The following SBF2 variants were observed in gnomAD, a reference collection of about 807,000 sequenced individuals.
SBF2 encodes the protein SET binding factor 2, also known as myotubularin-related protein 13.
Under a neutral mutation model 225.2 loss-of-function variants are expected in SBF2, and 112 were observed. The observed-to-expected ratio is 0.50, with a 90% CI of 0.43 to 0.58. The LOEUF is 0.58. Ranked by LOEUF, SBF2 falls within the 20% of genes least tolerant of loss-of-function variation. SBF2 has a pLI of 0.00. For synonymous variants in SBF2, 763 were observed against 773.3 expected (o/e 0.99, Z 0.22); for missense variants, 1,996 against 2,206.2 (o/e 0.90, Z 1.91).
intron 2 of SBF2, among the ~76,000 whole-genome samples, chr11:10,164,667 T>C (rs1352001029): frequency 6.6e-6 from 1 of 151,552 alleles, no homozygotes; most frequent in Non-Finnish European, 1.5e-5. Flanking sequence ...TGAGACAGTT[T>C]GAAGACTAAA....
chr11:10,119,743 T>TA (rs970879565), intron 2 of SBF2, among the ~76,000 whole-genome samples: 2 of 152,114 alleles, frequency 1.3e-5, no homozygotes, highest in Non-Finnish European at 2.9e-5. Context: ...TATAGGGTCA[T>TA]AAAAAAACCA....
intron 21 of SBF2, among the ~76,000 whole-genome samples, chr11:9,851,016 A>C (rs1416899865): frequency 6.6e-6 from 1 of 151,934 alleles, no homozygotes; most frequent in Non-Finnish European, 1.5e-5. Flanking sequence ...GGCGCCTGTA[A>C]TCTCAGCTAC....
At chr11:10,142,148 A>C (rs1447171163) in intron 2 of SBF2, among the ~76,000 whole-genome samples, 1 of 152,202 alleles carries the variant, frequency 6.6e-6, no homozygotes, top group Non-Finnish European at 1.5e-5. Flanking sequence ...AATGCTTTAG[A>C]CATTTTTCTT....
At chr11:10,017,093 C>G (rs1002685901) in intron 6 of SBF2, 1 of 152,166 alleles carries the variant, frequency 6.6e-6, no homozygotes, top group Non-Finnish European at 1.5e-5. Context: ...AAGAGTAAAA[C>G]ATTCTGAAAG....
At chr11:10,243,053 A>G (rs1959384613) in intron 1 of SBF2, among the ~76,000 whole-genome samples, 1 of 152,322 alleles carries the variant, frequency 6.6e-6, no homozygotes. Flanking sequence ...TGCAAACAGA[A>G]CATTCTACAG....
intron 11 of SBF2, 105 bp from the exon 12 acceptor site, chr11:9,992,648 T>C (rs1301500849): frequency 1.9e-6 from 2 of 1,036,372 alleles, no homozygotes; most frequent in Non-Finnish European, 1.4e-6. Flanking sequence ...AATCCCTTCA[T>C]GTATAAATAT....
intron 23 of SBF2, among the ~76,000 whole-genome samples, 182 bp from the exon 24 acceptor site, chr11:9,845,922 A>G (rs1044974992): frequency 3.3e-5 from 5 of 152,254 alleles, no homozygotes; most frequent in African/African-American, 1.2e-4. Context: ...TTTACTTGCC[A>G]TAAATGGCTA....
intron 1 of SBF2, among the ~76,000 whole-genome samples, chr11:10,300,281 A>G (rs1964582615): frequency 6.6e-6 from 1 of 152,192 alleles, no homozygotes; most frequent in Non-Finnish European, 1.5e-5. Flanking sequence ...TATGTTGAGA[A>G]CTTAGCACAG....
rs200917640 is a variant in SBF2, at chr11:10,138,525, A to AT, written c.141+55376dup. ...TTAACTATTCTGAGCTTCTTTTCCT[A>AT]TTTTTTTTTTTTTGAGACAGGATTT... On this transcript the variant is annotated intron_variant, in intron 2 of 39. Coordinates refer to ENST00000256190, the MANE Select transcript of SBF2 (RefSeq NM_030962.4). 4.1e-3 allele frequency among the ~76,000 whole-genome samples: 562 copies of AT among 136,156 alleles called. 2 individuals are homozygous for AT. Among genetic ancestry groups the AT allele is most frequent in the African/African-American group, 8.6e-3 (319 of 37,214 alleles). 89.3% of individuals were successfully genotyped at this position (136,156 alleles called of 152,430 possible).
At chr11:9,892,854 CG>C (rs1860952098) in intron 17 of SBF2, among the ~76,000 whole-genome samples, 1 of 148,358 alleles carries the variant, frequency 6.7e-6, no homozygotes, top group African/African-American at 2.4e-5. Flanking sequence ...CCACCGTACC[CG>C]GTATATACAT....
chr11:10,111,205 A>G (rs1054771555), intron 2 of SBF2, among the ~76,000 whole-genome samples: 2 of 152,226 alleles, frequency 1.3e-5, no homozygotes, highest in Non-Finnish European at 2.9e-5. Flanking sequence ...ATGATTTTAA[A>G]TGATTTCACA....
At chr11:10,222,070 A>G (rs1958359192) in intron 1 of SBF2, among the ~76,000 whole-genome samples, 1 of 152,244 alleles carries the variant, frequency 6.6e-6, no homozygotes, top group South Asian at 2.1e-4. Context: ...CAAGCAGTCC[A>G]GGTAGAGATA....
At chr11:10,158,507 C>A (rs1955578389) in intron 2 of SBF2, among the ~76,000 whole-genome samples, 1 of 152,040 alleles carries the variant, frequency 6.6e-6, no homozygotes, top group African/African-American at 2.4e-5. Context: ...CAATTGATAT[C>A]ATAGAAATAG....
intron 2 of SBF2, among the ~76,000 whole-genome samples, chr11:10,192,829 T>G (rs576817870): frequency 1.2e-4 from 18 of 152,262 alleles, no homozygotes; most frequent in African/African-American, 4.3e-4. Flanking sequence ...CTTCTATGTG[T>G]TTATGTGTGT....
At chr11:9,967,947 G>GTCTGTCTGTCTGTCTGTCTC (rs57976016) in intron 14 of SBF2, among the ~76,000 whole-genome samples, 2 of 100,252 alleles carry the variant, frequency 2.0e-5, no homozygotes, top group African/African-American at 7.7e-5. Flanking sequence ...CTGTCTGTCT[G>GTCTGTCTGTCTGTCTGTCTC]TCTCTCTCTC....
At chr11:10,063,132 A>G (rs1179532622) in intron 2 of SBF2, among the ~76,000 whole-genome samples, 1 of 152,120 alleles carries the variant, frequency 6.6e-6, no homozygotes, top group African/African-American at 2.4e-5. Context: ...GAACATATGA[A>G]CACAAAGAAG....
At chr11:10,265,884 CAT>C (rs1167057806) in intron 1 of SBF2, among the ~76,000 whole-genome samples, 2 of 151,220 alleles carry the variant, frequency 1.3e-5, no homozygotes, top group Admixed American at 6.6e-5. Flanking sequence ...TGCGCGCGCG[CAT>C]GTGTGTGTGT....
intron 16 of SBF2, among the ~76,000 whole-genome samples, chr11:9,944,008 T>C (rs1009210898): frequency 6.6e-6 from 1 of 152,194 alleles, no homozygotes; most frequent in Non-Finnish European, 1.5e-5. Flanking sequence ...AATAGCAGAA[T>C]GGGCTTAAAC....
At chr11:9,928,966 C>A in intron 16 of SBF2, 1 of 474,340 alleles carries the variant, frequency 2.1e-6, no homozygotes, top group Non-Finnish European at 4.1e-6. Context: ...CATAAAGCAG[C>A]AGAGATAACT....
Sources: gnomAD v4.1 joint callset for allele counts (sites outside exome capture counted in the v4.1 genomes callset) on GRCh38, gnomAD v4.1.1 for gene constraint, MANE v1.5 for transcripts, NCBI Gene and HGNC (gene_info 2026-07-23, HGNC 2026-07-21) for gene names.